Variants in AGPS observed in about 807,000 individuals in gnomAD.
AGPS encodes alkyldihydroxyacetonephosphate synthase, peroxisomal.
AGPS carries 26 observed loss-of-function variants against 90.7 expected under a neutral mutation model. The observed-to-expected ratio is 0.29, with a 90% CI of 0.21 to 0.40. AGPS has a LOEUF of 0.40. Among genes scored for constraint, AGPS ranks in the 10% least tolerant of loss-of-function variants. AGPS has a pLI of 1.00. For synonymous variants in AGPS, 294 were observed against 285.3 expected (o/e 1.03, Z -0.31); for missense variants, 540 against 816.1 (o/e 0.66, Z 4.12).
At chr2:177,467,831 A>G (rs369336836) in intron 9 of AGPS, among the ~76,000 whole-genome samples, 3 of 152,130 alleles carry the variant, frequency 2.0e-5, no homozygotes, top group African/African-American at 7.2e-5. Flanking sequence ...CTACTTCCCC[A>G]GTATACTTAC....
chr2:177,462,762 T>C (rs1295837159), intron 9 of AGPS, among the ~76,000 whole-genome samples: 1 of 152,192 alleles, frequency 6.6e-6, no homozygotes, highest in African/African-American at 2.4e-5. Context: ...ATAAATATTC[T>C]AAAATGATTT....
chr2:177,442,918 A>G (rs1686651215), intron 7 of AGPS, among the ~76,000 whole-genome samples: 1 of 151,960 alleles, frequency 6.6e-6, no homozygotes, highest in Non-Finnish European at 1.5e-5. Context: ...AGTTCTCCAA[A>G]AGGTAGGTTT....
chr2:177,505,609 T>A (rs1446843314), intron 15 of AGPS, 34 bp downstream of exon 15: 1 of 1,566,154 alleles, frequency 6.4e-7, no homozygotes, highest in African/African-American at 1.4e-5. Context: ...GCCACTTAAT[T>A]TATGTTGCAA....
chr2:177,478,726 G>A (rs1032349991), intron 10 of AGPS, among the ~76,000 whole-genome samples: 6 of 151,818 alleles, frequency 4.0e-5, no homozygotes, highest in Non-Finnish European at 8.8e-5. Context: ...CTTTAATGAT[G>A]TGACATTGTC....
chr2:177,414,217 T>C (rs539599039), intron 1 of AGPS, among the ~76,000 whole-genome samples: 1 of 152,256 alleles, frequency 6.6e-6, no homozygotes, highest in South Asian at 2.1e-4. Context: ...TTCTTTCTTT[T>C]CTTTTTTTTG....
intron 17 of AGPS, among the ~76,000 whole-genome samples, chr2:177,519,883 C>G (rs1689129193): frequency 6.6e-6 from 1 of 152,240 alleles, no homozygotes; most frequent in Admixed American, 6.5e-5. Context: ...ACTCCATAGA[C>G]AGAGCTGCCC....
intron 8 of AGPS, among the ~76,000 whole-genome samples, chr2:177,448,721 T>A (rs1472886333): frequency 3.3e-5 from 5 of 152,226 alleles, no homozygotes; most frequent in Non-Finnish European, 7.3e-5. Context: ...GTGTACAATT[T>A]GATAAGTTTC....
intron 8 of AGPS, among the ~76,000 whole-genome samples, chr2:177,448,347 C>T (rs1466569001): frequency 1.3e-5 from 2 of 152,114 alleles, no homozygotes; most frequent in African/African-American, 2.4e-5. Context: ...TTATTGAGCA[C>T]TATTTGCTTC....
intron 8 of AGPS, among the ~76,000 whole-genome samples, chr2:177,451,023 A>T (rs12616443): frequency 7.8e-6 from 1 of 127,402 alleles, no homozygotes; most frequent in Non-Finnish European, 1.6e-5. Context: ...GTCTAGTGGC[A>T]CCATCATAGC....
Position 177,396,588 on chromosome 2 carries a change from C to T in AGPS, c.260+3539C>T, listed in dbSNP as rs918187306. On this transcript the variant is annotated intron_variant, in intron 1 of 19. Coordinates refer to ENST00000264167, the MANE Select transcript of AGPS (RefSeq NM_003659.4). Reference sequence around the variant, plus strand: ...ACAGTGTTAAGAATGGATTGGAGAACGGTAAGGATGGACATAGATCAGTTA... The same window carrying T: ...ACAGTGTTAAGAATGGATTGGAGAATGGTAAGGATGGACATAGATCAGTTA... Among the ~76,000 whole-genome samples the T allele has an allele frequency of 5.9e-5, 9 of 152,058 alleles. No individual in the cohort carries two copies. The East Asian group carries it at 7.7e-4, about 13-fold the overall frequency.
rs537997530 is a variant in AGPS at position 177,397,317 on chromosome 2, C to T, written c.260+4268C>T. On this transcript the variant is annotated intron_variant, in intron 1 of 19. Coordinates refer to ENST00000264167, the MANE Select transcript of AGPS (RefSeq NM_003659.4). ...CAGAGTATTGAAGTGACAGTTTACT[C>T]TTGGATCCTCCCTTTTTCCTTAAGT... is the stretch of plus-strand genomic sequence containing the variant. Among the ~76,000 whole-genome samples, 11 of 152,284 alleles carry T rather than the reference C, an allele frequency of 7.2e-5. No homozygotes were observed. In the East Asian group the frequency reaches 1.4e-3, roughly 19 times the overall value.
chr2:177,523,404 T>C (rs1461688942), intron 18 of AGPS, among the ~76,000 whole-genome samples: 2 of 152,220 alleles, frequency 1.3e-5, no homozygotes, highest in Non-Finnish European at 2.9e-5. Context: ...GTTGGTATAA[T>C]GAGAGATGTT....
chr2:177,427,397 G>A (rs1233649466), intron 2 of AGPS, among the ~76,000 whole-genome samples: 2 of 151,844 alleles, frequency 1.3e-5, no homozygotes, highest in African/African-American at 4.8e-5. Flanking sequence ...TGCTACCTTT[G>A]GAGTTTGTTC....
At chr2:177,399,234 T>C (rs1306523175) in intron 1 of AGPS, among the ~76,000 whole-genome samples, 4 of 152,242 alleles carry the variant, frequency 2.6e-5, no homozygotes, top group Non-Finnish European at 5.9e-5. Context: ...TATTACTCCG[T>C]TTGATTTTAT....
chr2:177,430,902 G>A (rs1686223598), intron 2 of AGPS, among the ~76,000 whole-genome samples: 1 of 152,070 alleles, frequency 6.6e-6, no homozygotes, highest in African/African-American at 2.4e-5. Context: ...TCACAAGTTA[G>A]TATATAAATG....
chr2:177,505,727 C>T, intron 15 of AGPS, 152 bp downstream of exon 15: 1 of 700,352 alleles, frequency 1.4e-6, no homozygotes, highest in South Asian at 1.7e-5. Context: ...ATTTTAGCTA[C>T]AAATCTTCAG....
intron 19 of AGPS, among the ~76,000 whole-genome samples, chr2:177,529,718 A>T (rs138165081): frequency 3.9e-5 from 6 of 152,336 alleles, no homozygotes; most frequent in Admixed American, 3.3e-4. Context: ...CCATAAATGC[A>T]TTAAGTATGT....
chr2:177,406,206 G>T (rs1685463513), intron 1 of AGPS, among the ~76,000 whole-genome samples: 1 of 152,104 alleles, frequency 6.6e-6, no homozygotes, highest in African/African-American at 2.4e-5. Context: ...CTTCTAGCCT[G>T]GTCTCCCTTT....
In AGPS at chr2:177,540,755, ATTTAC is replaced by A. The variant is rs953466612; in HGVS notation, c.*2563_*2567del. On this transcript the variant is annotated 3_prime_UTR_variant, in exon 20 of 20. Coordinates refer to ENST00000264167, the MANE Select transcript of AGPS (RefSeq NM_003659.4). The stretch of plus-strand genomic sequence containing the variant: ...TCTTAAATTAGTCATAGTTGCAATA[ATTTAC>A]TTAAATTTGGTAATGTCACATTTGG... The A allele has an allele frequency of 6.6e-6, 1 of 152,094 alleles. No individual in the cohort carries two copies. The highest frequency in any genetic ancestry group is 1.5e-5 in the Non-Finnish European group (1 of 67,980). The allele number at this position is 152,094 out of a possible 1,614,324, so 9.4% of individuals were successfully genotyped here. A position where few individuals can be genotyped will look rare whatever the true frequency, so the allele number is the denominator to read the frequency against.
Sources: gnomAD v4.1 joint callset for allele counts (sites outside exome capture counted in the v4.1 genomes callset) on GRCh38, gnomAD v4.1.1 for gene constraint, MANE v1.5 for transcripts, NCBI Gene and HGNC (gene_info 2026-07-23, HGNC 2026-07-21) for gene names.